TMEM266: variants seen among roughly 807,000 people sequenced by gnomAD.
TMEM266 encodes Hv1 related protein 1.
TMEM266 carries 33 observed loss-of-function variants against 50.5 expected under a neutral mutation model. That is an observed-to-expected ratio of 0.65 (90% CI 0.50 to 0.87). The LOEUF (loss-of-function observed/expected upper bound fraction) is 0.87. Among genes scored for constraint, TMEM266 ranks in the 40% least tolerant of loss-of-function variants. TMEM266 has a pLI of 0.00. For missense variants in TMEM266, 655 were observed against 695.1 expected (o/e 0.94, Z 0.65); for synonymous variants, 310 against 292.3 (o/e 1.06, Z -0.62).
At chr15:76,090,936 A>G (rs1321196913) in intron 1 of TMEM266, among the ~76,000 whole-genome samples, 1 of 152,210 alleles carries the variant, frequency 6.6e-6, no homozygotes, top group Admixed American at 6.5e-5. Flanking sequence ...CAACACAAAG[A>G]AATGATATAT....
intron 5 of TMEM266, among the ~76,000 whole-genome samples, chr15:76,167,265 T>C (rs1005198187): frequency 2.0e-5 from 3 of 151,900 alleles, no homozygotes; most frequent in African/African-American, 7.3e-5. Context: ...GGTCGGTAGA[T>C]CGAGACCATC....
chr15:76,131,284 A>G (rs1382727166), intron 1 of TMEM266, among the ~76,000 whole-genome samples: 1 of 152,168 alleles, frequency 6.6e-6, no homozygotes, highest in Non-Finnish European at 1.5e-5. Flanking sequence ...GGAGAATTGC[A>G]TGAACCCAGG....
At chr15:76,199,601 C>T (rs553099094) in intron 9 of TMEM266, among the ~76,000 whole-genome samples, 14 of 152,332 alleles carry the variant, frequency 9.2e-5, no homozygotes, top group Admixed American at 2.6e-4. Flanking sequence ...TTTCTGAACA[C>T]GCTCGGAGGA....
intron 3 of TMEM266, among the ~76,000 whole-genome samples, chr15:76,154,294 G>A (rs188018358): frequency 1.1e-3 from 165 of 152,268 alleles, no homozygotes; most frequent in African/African-American, 3.5e-3. Flanking sequence ...GACATACTGC[G>A]CTTGATCTGG....
intron 2 of TMEM266, 125 bp downstream of exon 2, chr15:76,134,426 GGA>G: frequency 1.1e-6 from 1 of 942,508 alleles, no homozygotes. Context: ...CACAGAAAAT[GGA>G]GAAACCTTTC....
Position 76,160,499 on chromosome 15 carries a change from G to T in TMEM266, c.456+331G>T, listed in dbSNP as rs1196655048. On this transcript the variant is annotated intron_variant, in intron 5 of 10. Coordinates refer to ENST00000388942, the MANE Select transcript of TMEM266 (RefSeq NM_152335.3). The surrounding 1 kb of genome is among the most constrained non-coding windows in gnomAD (Gnocchi z 5.7). ...GGGCAGCCAGTGTTGGGTGCAGCCA[G>T]TAAGGAGCGGGCGGGAGGTGAGGCT... 6.6e-6 allele frequency among the ~76,000 whole-genome samples: 1 copy of T among 152,240 alleles called. No individual in the cohort carries two copies. The highest frequency in any genetic ancestry group is 1.9e-4 in the East Asian group (1 of 5,202).
At position 76,202,204 on chromosome 15, in the gene TMEM266, G is replaced by A. The variant is rs772121084; in HGVS notation, c.961G>A (p.Ala321Thr). Residue 321 changes from alanine (A) to threonine (T), a missense_variant and splice_region_variant, in exon 10 of 11, where the codon GCC becomes ACC. By Grantham distance (58) the Ala-to-Thr change is moderately conservative (BLOSUM62 0). Around this residue, in one of 3 missense-constraint regions of TMEM266, gnomAD observed 455 missense variants for 401.8 expected, o/e 1.13. Coordinates refer to ENST00000388942, the MANE Select transcript of TMEM266 (RefSeq NM_152335.3). ...CTTCTCTGTCCCCACCTCTGTAGAA[G>A]CCACGATGAAGGACGACATGAACAG... 3.1e-6 allele frequency: 5 copies of A among 1,613,556 alleles called. No individual in the cohort carries two copies. In the African/African-American group the frequency reaches 6.7e-5, roughly 22 times the overall value.
At chr15:76,062,103 G>A (rs2036314628) in intron 1 of TMEM266, among the ~76,000 whole-genome samples, 1 of 152,196 alleles carries the variant, frequency 6.6e-6, no homozygotes, top group South Asian at 2.1e-4. Flanking sequence ...CATGGACTTA[G>A]AAATTGCTGT....
intron 1 of TMEM266, among the ~76,000 whole-genome samples, chr15:76,060,803 G>T (rs1426086514): frequency 6.6e-6 from 1 of 152,086 alleles, no homozygotes; most frequent in Admixed American, 6.6e-5. Context: ...AAACACCCCC[G>T]TAATCTAGCT....
rs547602434 is a variant in TMEM266, at chr15:76,125,452, T to TAA, written c.-96-8715_-96-8714dup. 4.6e-5 allele frequency among the ~76,000 whole-genome samples: 7 copies of TAA among 151,768 alleles called. No individual in the cohort carries two copies. In the East Asian group the frequency reaches 1.4e-3, roughly 29 times the overall value. ...TAAGAAACCCATACAACTCAATATA[T>TAA]AATATATAAGGAACCCATACAACTC... is the stretch of plus-strand genomic sequence containing the variant. On this transcript the variant is annotated intron_variant, in intron 1 of 10. Coordinates refer to ENST00000388942, the MANE Select transcript of TMEM266 (RefSeq NM_152335.3).
intron 1 of TMEM266, among the ~76,000 whole-genome samples, chr15:76,085,308 A>G (rs1213202116): frequency 6.8e-6 from 1 of 146,174 alleles, no homozygotes; most frequent in Non-Finnish European, 1.5e-5. Context: ...CCTAGGCTGT[A>G]GTGTAGTAGT....
chr15:76,134,656 T>C (rs1345632797), intron 2 of TMEM266, among the ~76,000 whole-genome samples: 1 of 152,210 alleles, frequency 6.6e-6, no homozygotes, highest in Non-Finnish European at 1.5e-5. Context: ...TGGTCACTTA[T>C]TTTGTGTTTT....
At chr15:76,197,349 AACTTG>A (rs2038671137) in intron 9 of TMEM266, among the ~76,000 whole-genome samples, 1 of 152,200 alleles carries the variant, frequency 6.6e-6, no homozygotes, top group Admixed American at 6.5e-5. Flanking sequence ...TTTGAATTTC[AACTTG>A]ACTTTGAACA....
intron 3 of TMEM266, among the ~76,000 whole-genome samples, chr15:76,150,775 A>G (rs184100450): frequency 3.1e-3 from 475 of 152,372 alleles, no homozygotes; most frequent in African/African-American, 0.011. Flanking sequence ...GCTGCCTGAC[A>G]GAGCAGTGGC....
chr15:76,097,334 C>T (rs2036936269), intron 1 of TMEM266, among the ~76,000 whole-genome samples: 1 of 151,966 alleles, frequency 6.6e-6, no homozygotes, highest in South Asian at 2.1e-4. Context: ...AGCTTTATCG[C>T]TTGTCTGTAA....
At chr15:76,188,648 A>G (rs2038523549) in intron 8 of TMEM266, among the ~76,000 whole-genome samples, 1 of 152,190 alleles carries the variant, frequency 6.6e-6, no homozygotes, top group African/African-American at 2.4e-5. Flanking sequence ...TCTTGTGAGA[A>G]TTCACTCACT....
At chr15:76,166,926 A>T (rs1436760223) in intron 5 of TMEM266, among the ~76,000 whole-genome samples, 1 of 152,186 alleles carries the variant, frequency 6.6e-6, no homozygotes, top group African/African-American at 2.4e-5. Context: ...AATTGTTAAG[A>T]TGGTGTGTTT....
Position 76,192,171 on chromosome 15 carries a change from T to A in TMEM266, c.958+14T>A. 2.2e-6 allele frequency: 3 copies of A among 1,393,408 alleles called. No homozygotes were observed. Among genetic ancestry groups the A allele is most frequent in the Non-Finnish European group, 2.8e-6 (3 of 1,077,920 alleles). 86.3% of individuals were successfully genotyped at this position (1,393,408 alleles called of 1,614,324 possible). On this transcript the variant is annotated intron_variant, in intron 9 of 10. Coordinates refer to ENST00000388942, the MANE Select transcript of TMEM266 (RefSeq NM_152335.3). ...AGCCCTCGCAAGGTAAGCCCGGGTC[T>A]CCACCCGGCCCCAGAGTGTCACGGC...
At chr15:76,138,593 C>CGGAA (rs2037628751) in intron 3 of TMEM266, among the ~76,000 whole-genome samples, 1 of 152,214 alleles carries the variant, frequency 6.6e-6, no homozygotes, top group Non-Finnish European at 1.5e-5. Flanking sequence ...AGCAGACTGT[C>CGGAA]ACTAGGAAGC....
Sources: gnomAD v4.1 joint callset for allele counts (sites outside exome capture counted in the v4.1 genomes callset) on GRCh38, gnomAD v4.1.1 for gene constraint, gnomAD v4.1.1 regional missense constraint, Gnocchi (gnomAD v3.1) non-coding constraint, MANE v1.5 for transcripts, NCBI Gene and HGNC (gene_info 2026-07-23, HGNC 2026-07-21) for gene names.